Variants in RREB1 observed in about 807,000 individuals in gnomAD.
RREB1 encodes ras responsive element binding protein 1, also known as ras-responsive element-binding protein 1.
A neutral mutation model predicts 117.8 loss-of-function variants in RREB1; 27 were observed. The observed-to-expected ratio is 0.23, with a 90% CI of 0.17 to 0.32. RREB1 has a LOEUF of 0.32. Ranked by LOEUF, RREB1 falls within the 10% of genes least tolerant of loss-of-function variation. The pLI is 1.00. For missense variants in RREB1, 2,577 were observed against 2,378.2 expected, an observed-to-expected ratio of 1.08 and a Z score of -1.74; for synonymous variants, 1,298 against 1,026.7, an observed-to-expected ratio of 1.26 and a Z score of -5.05.
rs1000839054 is a variant in RREB1 at position 7,112,342 on chromosome 6, A to C, written c.-285+4282A>C. 3.9e-5 allele frequency among the ~76,000 whole-genome samples: 6 copies of C among 152,312 alleles called. 1 individual carries two copies. The Middle Eastern group carries it at 0.01, about 259-fold the overall frequency. On this transcript the variant is annotated intron_variant, in intron 1 of 12. Transcript: ENST00000379938. ...GAATGGTAAGCCTGTTGTAAGCCAA[A>C]AGTTTCCCTGCTTCAAGGTTAATTT... is the stretch of plus-strand genomic sequence containing the variant.
At chr6:7,193,947 A>G (rs989421394) in intron 6 of RREB1, among the ~76,000 whole-genome samples, 5 of 148,192 alleles carry the variant, frequency 3.4e-5, no homozygotes, top group Non-Finnish European at 7.4e-5. Flanking sequence ...GTCACTTTGC[A>G]TATTAGAAAA....
intron 6 of RREB1, among the ~76,000 whole-genome samples, chr6:7,194,965 C>T (rs934865496): frequency 6.6e-6 from 1 of 152,162 alleles, no homozygotes; most frequent in Non-Finnish European, 1.5e-5. Flanking sequence ...CCGTACCTAC[C>T]GCATGGGAAT....
chr6:7,161,901 T>C (rs989426481), intron 1 of RREB1, among the ~76,000 whole-genome samples: 7 of 152,220 alleles, frequency 4.6e-5, no homozygotes, highest in Non-Finnish European at 8.8e-5. Context: ...TTTTTAAATC[T>C]GCTACCAAGA....
chr6:7,144,924 G>A (rs760144896), intron 1 of RREB1, among the ~76,000 whole-genome samples: 2 of 152,216 alleles, frequency 1.3e-5, no homozygotes, highest in Non-Finnish European at 2.9e-5. Context: ...CCTTCAGCGA[G>A]GTTATGAAGG....
At position 7,230,101 on chromosome 6, in the gene RREB1, A is replaced by G. The variant is rs769018722; in HGVS notation, c.2002A>G (p.Ile668Val). 5 of 1,602,074 alleles carry G rather than the reference A, an allele frequency of 3.1e-6. No homozygotes were observed. Among genetic ancestry groups the G allele is most frequent in the South Asian group, 1.1e-5 (1 of 90,680 alleles). Residue 668 changes from isoleucine to valine, a missense_variant, in exon 10 of 13, where the codon ATC becomes GTC. Ile to Val is a conservative substitution (Grantham distance 29). Coordinates refer to ENST00000379938, the MANE Select transcript of RREB1 (RefSeq NM_001003699.4). ...TGCCCACGTGCGCTCCCACCTGGGCATCTCGCCATACCAGTGCAACATCTG... is the reference window on the plus strand; with the variant it reads ...TGCCCACGTGCGCTCCCACCTGGGCGTCTCGCCATACCAGTGCAACATCTG... ...LRAHVRSHLG[I>V]SPYQCNICDY...
intron 2 of RREB1, among the ~76,000 whole-genome samples, chr6:7,178,420 C>T (rs971017503): frequency 9.2e-5 from 14 of 152,164 alleles, no homozygotes; most frequent in African/African-American, 2.9e-4. Flanking sequence ...CCAACTAATA[C>T]TGGCCAGCTT....
chr6:7,240,489 C>G lies in RREB1; in HGVS notation c.3860C>G (p.Ser1287Cys). Residue 1287 changes from serine to cysteine, a missense_variant, in exon 11 of 13, where the codon TCT (serine) becomes TGT (cysteine). Ser to Cys is a moderately radical substitution (Grantham distance 112). Transcript: ENST00000379938. Reference sequence around the variant, plus strand: ...TGCGATGCCTTCTTTTCTACCAAATCTAACTGTGAACGCCACCAGTTGCGC... The same window carrying G: ...TGCGATGCCTTCTTTTCTACCAAATGTAACTGTGAACGCCACCAGTTGCGC... ...QKCDAFFSTK[S>C]NCERHQLRKH... 1.9e-6 allele frequency: 3 copies of G among 1,614,004 alleles called. No individual in the cohort carries two copies. The highest frequency in any genetic ancestry group is 2.5e-6 in the Non-Finnish European group (3 of 1,179,970).
chr6:7,130,456 C>T (rs1762105024), intron 1 of RREB1, among the ~76,000 whole-genome samples: 3 of 152,108 alleles, frequency 2.0e-5, no homozygotes, highest in African/African-American at 7.2e-5. Context: ...ACTGTGTGGG[C>T]AAACTGTCTG....
At position 7,165,152 on chromosome 6, in the gene RREB1, G is replaced by A. The variant is rs1296129566; in HGVS notation, c.-284-11503G>A. 4.6e-5 allele frequency among the ~76,000 whole-genome samples: 7 copies of A among 152,294 alleles called. No homozygotes were observed. The South Asian group carries it at 1.0e-3, about 23-fold the overall frequency. On this transcript the variant is annotated intron_variant, in intron 1 of 12. Transcript: ENST00000379938. ...TAGAGTTGGAGCTGCAATGGATGCC[G>A]GGTAGGTGTTGCTTGGGCATTGTTC...
At chr6:7,152,156 G>A (rs560738936) in intron 1 of RREB1, among the ~76,000 whole-genome samples, 6 of 152,314 alleles carry the variant, frequency 3.9e-5, no homozygotes, top group African/African-American at 1.4e-4. Flanking sequence ...TTTTAGCTGT[G>A]TGTATAAGTC....
intron 6 of RREB1, among the ~76,000 whole-genome samples, chr6:7,210,299 TGCTCTGTTA>T (rs1366147112): frequency 2.6e-5 from 4 of 152,262 alleles, no homozygotes; most frequent in Non-Finnish European, 5.9e-5. Flanking sequence ...TCTGGACATT[TGCTCTGTTA>T]GCATGTCTCA....
chr6:7,140,124 TTAAATC>T, intron 1 of RREB1, among the ~76,000 whole-genome samples: 1 of 152,344 alleles, frequency 6.6e-6, no homozygotes, highest in South Asian at 2.1e-4. Context: ...GCTTCACACT[TTAAATC>T]TCTTTATGTG....
At position 7,119,314 on chromosome 6, in the gene RREB1, C is replaced by T. The variant is rs1484886581; in HGVS notation, c.-285+11254C>T. The stretch of plus-strand genomic sequence containing the variant: ...TGAATGAGCTGAGATCGTGCTACTG[C>T]GTTCCAGCTCGGGTGACAGAGCGAG... On this transcript the variant is annotated intron_variant, in intron 1 of 12. Transcript: ENST00000379938. 1.1e-4 allele frequency among the ~76,000 whole-genome samples: 17 copies of T among 152,102 alleles called. No individual in the cohort carries two copies. The East Asian group carries it at 2.9e-3, about 26-fold the overall frequency.
In RREB1 at chr6:7,249,575, AGGTTTCCAATAT is replaced by A. The variant is rs1268994540; in HGVS notation, c.*614_*625del. On this transcript the variant is annotated 3_prime_UTR_variant, in exon 13 of 13. Transcript: ENST00000379938. ...TGGTATTACAGGATGTGGTTGATGA[AGGTTTCCAATAT>A]GGTTTCAGGCCAAAACCAGGGAAGA... 6.6e-6 allele frequency: 1 copy of A among 152,488 alleles called. No individual in the cohort carries two copies. Among genetic ancestry groups the A allele is most frequent in the East Asian group, 1.9e-4 (1 of 5,178 alleles). The allele number at this position is 152,488 out of a possible 1,614,324, so 9.4% of individuals were successfully genotyped here.
At chr6:7,187,107 C>G (rs1165380104) in intron 4 of RREB1, among the ~76,000 whole-genome samples, 1 of 150,944 alleles carries the variant, frequency 6.6e-6, no homozygotes, top group Non-Finnish European at 1.5e-5. Context: ...TTCACCATCA[C>G]AGATTATTAA....
intron 1 of RREB1, among the ~76,000 whole-genome samples, chr6:7,144,269 C>T (rs1251537787): frequency 6.6e-6 from 1 of 152,120 alleles, no homozygotes; most frequent in Non-Finnish European, 1.5e-5. Context: ...GATATGTTAG[C>T]TTGATTTAAC....
At chr6:7,116,735 A>G (rs1331714894) in intron 1 of RREB1, among the ~76,000 whole-genome samples, 2 of 152,250 alleles carry the variant, frequency 1.3e-5, no homozygotes, top group East Asian at 3.8e-4. Flanking sequence ...TTGGTGGGAA[A>G]GAATTTTGAA....
chr6:7,108,457 G>T (rs887135238), intron 1 of RREB1, among the ~76,000 whole-genome samples: 1 of 151,984 alleles, frequency 6.6e-6, no homozygotes, highest in Admixed American at 6.6e-5. Context: ...AGCCGTCCGA[G>T]CGCAGGAATC....
At position 7,230,544 on chromosome 6, in the gene RREB1, C is replaced by T. The variant is rs988119222; in HGVS notation, c.2445C>T (p.His815=). 6.9e-6 allele frequency: 11 copies of T among 1,597,784 alleles called. No individual in the cohort carries two copies. The highest frequency in any genetic ancestry group is 2.7e-5 in the African/African-American group (2 of 74,802). The change falls in exon 10 of 13, where the codon CAC becomes CAT. Residue 815 remains histidine (H), a synonymous_variant. Coordinates refer to ENST00000379938, the MANE Select transcript of RREB1 (RefSeq NM_001003699.4). ...ACCACATCCTCAAGCAGCACCTGCA[C>T]GTGCCCGAGCAGGACATCGAGAGCT... ...CIHHILKQHL[H]VPEQDIESYV...
Sources: allele counts gnomAD v4.1 joint callset (sites outside exome capture counted in the v4.1 genomes callset), GRCh38; gene constraint gnomAD v4.1.1; transcripts MANE v1.5; gene names NCBI Gene and HGNC (gene_info 2026-07-23, HGNC 2026-07-21).